The following VRTN variants were observed in gnomAD, a reference collection of about 807,000 sequenced individuals.
The protein encoded by VRTN is vertnin.
Under a neutral mutation model 18.2 loss-of-function variants are expected in VRTN, and 5 were observed. The observed-to-expected ratio is 0.27, with a 90% CI of 0.14 to 0.58. VRTN has a LOEUF of 0.58. Among genes scored for constraint, VRTN ranks in the 20% least tolerant of loss-of-function variants. The probability of loss-of-function intolerance (pLI) is 0.91; values close to 1 mark genes in which losing one functional copy is unlikely to be tolerated. For synonymous variants in VRTN, 381 were observed against 393.7 expected, an observed-to-expected ratio of 0.97 and a Z score of 0.38; for missense variants, 741 against 939.4, an observed-to-expected ratio of 0.79 and a Z score of 2.76.
chr14:74,346,667 T>C (rs891488913), upstream of VRTN, among the ~76,000 whole-genome samples: 1 of 152,254 alleles, frequency 6.6e-6, no homozygotes, highest in Non-Finnish European at 1.5e-5. Context: ...GAACAAAATA[T>C]ACTGAGATGT....
upstream of VRTN, among the ~76,000 whole-genome samples, chr14:74,347,124 C>G (rs1379392130): frequency 2.6e-5 from 4 of 152,288 alleles, no homozygotes; most frequent in East Asian, 5.8e-4. Flanking sequence ...AAGCAGAGTT[C>G]TAAATGTTTT....
chr14:74,345,348 T>TG (rs2085636828), upstream of VRTN, among the ~76,000 whole-genome samples: 2 of 59,732 alleles, frequency 3.3e-5, no homozygotes, highest in East Asian at 1.5e-3. Context: ...CCCTGCCTAT[T>TG]TTTTTTTTTT....
intron 1 of VRTN, 65 bp from the exon 2 acceptor site, chr14:74,356,717 AC>A: frequency 6.6e-7 from 1 of 1,507,950 alleles, no homozygotes. Flanking sequence ...TGGACAGGGC[AC>A]CTTTGCTAGT....
At chr14:74,352,605 C>T (rs115404791) in intron 1 of VRTN, among the ~76,000 whole-genome samples, 398 of 151,962 alleles carry the variant, frequency 2.6e-3, no homozygotes, top group African/African-American at 9.1e-3. Context: ...GGCTGAAGTC[C>T]GGTGGCGTGA....
At chr14:74,324,675 C>T (rs1486998167) in intron 1 of VRTN, among the ~76,000 whole-genome samples, 1 of 151,970 alleles carries the variant, frequency 6.6e-6, no homozygotes, top group Non-Finnish European at 1.5e-5. Flanking sequence ...CTCACTTGAG[C>T]CCGGTAGTTT....
chr14:74,320,332 C>T (rs2140196186), intron 1 of VRTN, among the ~76,000 whole-genome samples: 1 of 132,446 alleles, frequency 7.6e-6, no homozygotes, highest in Admixed American at 8.6e-5. Context: ...ACAATCTTGG[C>T]TCACTACAAC....
At chr14:74,332,161 A>T (rs2085530228) in intron 1 of VRTN, among the ~76,000 whole-genome samples, 1 of 151,748 alleles carries the variant, frequency 6.6e-6, no homozygotes, top group Non-Finnish European at 1.5e-5. Flanking sequence ...TTTGTTCTGT[A>T]TTGTAGATAG....
intron 1 of VRTN, among the ~76,000 whole-genome samples, chr14:74,334,293 C>A (rs1332991316): frequency 6.6e-6 from 1 of 152,220 alleles, no homozygotes; most frequent in East Asian, 1.9e-4. Flanking sequence ...CTTTGGGAGG[C>A]TGAGGCGGGC....
At chr14:74,341,941 C>A (rs1270079419) in intron 2 of VRTN, among the ~76,000 whole-genome samples, 1 of 151,794 alleles carries the variant, frequency 6.6e-6, no homozygotes, top group East Asian at 1.9e-4. Flanking sequence ...TTAGTTATTG[C>A]TGGGAAACTG....
At chr14:74,333,084 TA>T (rs1567041914) in intron 1 of VRTN, among the ~76,000 whole-genome samples, 1 of 152,242 alleles carries the variant, frequency 6.6e-6, no homozygotes, top group Admixed American at 6.5e-5. Flanking sequence ...ACTGGCACAT[TA>T]AAAAATATGT....
At position 74,358,722 on chromosome 14, in the gene VRTN, G is replaced by A. The variant is rs747084343; in HGVS notation, c.1939G>A (p.Ala647Thr). Residue 647 changes from alanine (A) to threonine (T), a missense_variant, in exon 2 of 2, where the codon GCT (alanine) becomes ACT (threonine). Physicochemically the swap from Ala to Thr is moderately conservative, Grantham distance 58. Transcript: ENST00000256362. The surrounding 1 kb of genome is among the most constrained non-coding windows in gnomAD (Gnocchi z 5.4). ...DGRMLVMDMIATTKFKAQAKL... is the reference protein window; with the variant it reads ...DGRMLVMDMITTTKFKAQAKL... ...CCGGATGCTGGTGATGGACATGATC[G>A]CTACCACGAAGTTCAAGGCCCAGGC... The A allele has an allele frequency of 8.1e-6, 13 of 1,614,180 alleles. No individual in the cohort carries two copies. The highest frequency in any genetic ancestry group is 3.3e-5 in the South Asian group (3 of 91,086).
Position 74,357,378 on chromosome 14 carries a change from C to T in VRTN, c.595C>T (p.Arg199Trp). ...SIYPMRNLKI[R>W]PYFNRVIRPR... is the part of the protein sequence containing the mutation. ...CTACCCCATGCGCAACCTCAAGATC[C>T]GGCCCTACTTCAACCGTGTCATCCG... Residue 199 changes from arginine to tryptophan, a missense_variant, in exon 2 of 2, where the codon CGG (arginine) becomes TGG (tryptophan). Arg to Trp is a moderately radical substitution (Grantham distance 101). Coordinates refer to ENST00000256362, the MANE Select transcript of VRTN (RefSeq NM_018228.3). This position sits in a 1 kb window ranked among gnomAD's most constrained non-coding sequence, Gnocchi z 7.8. 2 of 1,613,840 alleles carry T rather than the reference C, an allele frequency of 1.2e-6. No individual in the cohort carries two copies. The highest frequency in any genetic ancestry group is 1.7e-6 in the Non-Finnish European group (2 of 1,180,034).
At chr14:74,335,282 A>G (rs1265254176) in intron 1 of VRTN, among the ~76,000 whole-genome samples, 2 of 152,180 alleles carry the variant, frequency 1.3e-5, no homozygotes, top group Admixed American at 1.3e-4. Flanking sequence ...AAGAATAACC[A>G]TAACTGGATA....
intron 1 of VRTN, among the ~76,000 whole-genome samples, chr14:74,350,405 G>A (rs1033435234): frequency 6.6e-6 from 1 of 152,042 alleles, no homozygotes; most frequent in East Asian, 1.9e-4. Context: ...AGGAGGGTGG[G>A]GACAGGTGGG....
rs111262741 is a variant in VRTN, at chr14:74,334,087, T to A, written c.-163-3636T>A. ...TAGTAAGTGGCTCACCCAGGCAATG[T>A]GGTTCCAGAAGCTACGCTCATTACT... On this transcript the variant is annotated intron_variant, in intron 1 of 2. Transcript: ENST00000557177. 6.6e-5 allele frequency among the ~76,000 whole-genome samples: 10 copies of A among 152,284 alleles called. No homozygotes were observed. In the South Asian group the frequency reaches 2.1e-3, roughly 32 times the overall value.
chr14:74,358,265 CG>C lies in VRTN; in HGVS notation c.1486del (p.Glu496SerfsTer5). 6.2e-7 allele frequency: 1 copy of C among 1,610,502 alleles called. No individual in the cohort carries two copies. The highest frequency in any genetic ancestry group is 8.5e-7 in the Non-Finnish European group (1 of 1,178,056). The part of the protein sequence containing the change: ...NATGEDPPAP[G>X]ELLPLRMPLS... Reference sequence around the variant, plus strand: ...CCACAGGTGAGGACCCTCCCGCCCCCGGGGAGCTCCTGCCACTAAGGATGCC... The same window carrying C: ...CCACAGGTGAGGACCCTCCCGCCCCCGGGAGCTCCTGCCACTAAGGATGCC... On this transcript the variant is annotated frameshift_variant, in exon 2 of 2. Coordinates refer to ENST00000256362, the MANE Select transcript of VRTN (RefSeq NM_018228.3). LOFTEE classifies it low-confidence loss of function (END_TRUNC). The surrounding 1 kb of genome is among the most constrained non-coding windows in gnomAD (Gnocchi z 5.4).
chr14:74,325,754 A>G (rs548901342), intron 1 of VRTN, among the ~76,000 whole-genome samples: 2 of 152,326 alleles, frequency 1.3e-5, no homozygotes, highest in African/African-American at 2.4e-5. Flanking sequence ...TGGGCAACAG[A>G]GTGAGACCCT....
chr14:74,348,955 T>A (rs897691257), intron 1 of VRTN, among the ~76,000 whole-genome samples: 2 of 145,408 alleles, frequency 1.4e-5, no homozygotes, highest in Admixed American at 7.0e-5. Flanking sequence ...CCTCCCCAGG[T>A]TCCCCGGGCT....
Position 74,359,036 on chromosome 14 carries a change from T to C in VRTN, c.*144T>C. On this transcript the variant is annotated 3_prime_UTR_variant, in exon 2 of 2. Coordinates refer to ENST00000256362, the MANE Select transcript of VRTN (RefSeq NM_018228.3). ...TAAGTCCAAGGGTATATTTGTGTTA[T>C]TTTCTGGCTCCAGGACAGAGAATGC... The C allele has an allele frequency of 2.2e-6, 3 of 1,391,668 alleles. No homozygotes were observed. The highest frequency in any genetic ancestry group is 1.4e-5 in the African/African-American group (1 of 69,122). The allele number at this position is 1,391,668 out of a possible 1,614,324, so 86.2% of individuals were successfully genotyped here.
Sources: gnomAD v4.1 joint callset for allele counts (sites outside exome capture counted in the v4.1 genomes callset) on GRCh38, gnomAD v4.1.1 for gene constraint, Gnocchi (gnomAD v3.1) non-coding constraint, MANE v1.5 for transcripts, NCBI Gene and HGNC (gene_info 2026-07-23, HGNC 2026-07-21) for gene names.